ERC1: variants seen among roughly 807,000 people sequenced by gnomAD.
ERC1 encodes the protein RAB6 interacting protein 2.
ERC1 carries 56 observed loss-of-function variants against 132.0 expected under a neutral mutation model. That is an observed-to-expected ratio of 0.42 (90% confidence interval 0.34 to 0.53). ERC1 has a LOEUF of 0.53. ERC1 is among the 20% of genes least tolerant of loss of function. The probability of loss-of-function intolerance (pLI) is 0.03; values close to 1 mark genes in which losing one functional copy is unlikely to be tolerated. For synonymous variants in ERC1, 478 were observed against 476.1 expected, an observed-to-expected ratio of 1.00 and a Z score of -0.05; for missense variants, 1,202 against 1,349.9, an observed-to-expected ratio of 0.89 and a Z score of 1.72.
intron 12 of ERC1, among the ~76,000 whole-genome samples, chr12:1,206,812 T>C (rs1397132898): frequency 6.6e-6 from 1 of 152,090 alleles, no homozygotes; most frequent in Non-Finnish European, 1.5e-5. Flanking sequence ...AATTATCAGT[T>C]ACCACTGTAG....
intron 16 of ERC1, among the ~76,000 whole-genome samples, chr12:1,398,125 G>A (rs567199229): frequency 9.9e-4 from 151 of 151,768 alleles, no homozygotes; most frequent in African/African-American, 3.6e-3. Flanking sequence ...CTGGGACTGC[G>A]GGCACATGCC....
rs957525898 is a variant in ERC1 at position 1,202,662 on chromosome 12, G to GA, written c.2351+12619dup. ...ACAGGTGAAACCCTGTCTCAAAAAG[G>GA]AAAAAAAAAGAGTTGTAATTTGATG... On this transcript the variant is annotated intron_variant, in intron 12 of 18. Transcript: ENST00000360905. Among the ~76,000 whole-genome samples the GA allele has an allele frequency of 2.2e-4, 33 of 148,264 alleles. No individual in the cohort carries two copies. The East Asian group carries it at 2.9e-3, about 13-fold the overall frequency.
intron 18 of ERC1, among the ~76,000 whole-genome samples, chr12:1,464,129 A>G (rs1039487840): frequency 6.6e-6 from 1 of 152,186 alleles, no homozygotes; most frequent in Non-Finnish European, 1.5e-5. Context: ...TATTATTTGC[A>G]ATTCACTCCC....
chr12:1,426,111 T>C (rs1025934202), intron 17 of ERC1, among the ~76,000 whole-genome samples: 4 of 151,860 alleles, frequency 2.6e-5, no homozygotes, highest in Non-Finnish European at 1.5e-5. Context: ...GATTTTTTTT[T>C]TTTTTTTTTG....
rs796194054 is a variant in ERC1, at chr12:1,042,344, TTTTTTTTTTTTTC to T, written c.669+13780_669+13792del. On this transcript the variant is annotated intron_variant, in intron 2 of 18. Transcript: ENST00000360905. ...GAGCCATTGCGCCCGGCCTGTTTTT[TTTTTTTTTTTTTC>T]TTTTTTTGAAATGGAGTTTAGCTCT... Among the ~76,000 whole-genome samples, 1,024 of 144,724 alleles carry T rather than the reference TTTTTTTTTTTTTC, an allele frequency of 7.1e-3. 10 individuals are homozygous for T. The highest frequency in any genetic ancestry group is 0.024 in the African/African-American group (974 of 40,046). 94.9% of individuals were successfully genotyped at this position (144,724 alleles called of 152,430 possible). A position where few individuals can be genotyped will look rare whatever the true frequency, so the allele number is the denominator to read the frequency against.
At chr12:1,262,339 T>A (rs1395448738) in intron 13 of ERC1, among the ~76,000 whole-genome samples, 1 of 152,220 alleles carries the variant, frequency 6.6e-6, no homozygotes. Context: ...TTCTGATAGA[T>A]CAACATTCAC....
At position 1,493,554 on chromosome 12, in the gene ERC1, T is replaced by TATATATATATATAC. The variant is rs1565554223; in HGVS notation, c.*3337_*3338insCATATATATATATA. The TATATATATATATAC allele has an allele frequency of 3.1e-5, 3 of 95,306 alleles. No homozygotes were observed. Among genetic ancestry groups the TATATATATATATAC allele is most frequent in the Non-Finnish European group, 6.7e-5 (3 of 45,044 alleles). The allele number at this position is 95,306 out of a possible 1,614,324, so 5.9% of individuals were successfully genotyped here. On this transcript the variant is annotated 3_prime_UTR_variant, in exon 19 of 19. Transcript: ENST00000360905. ...TTTAAAAAAAAAAAAAAAAAATATATATATATATATATATATATATATATG... is the reference window on the plus strand; with the variant it reads ...TTTAAAAAAAAAAAAAAAAAATATATATATATATATATACATATATATATATATATATATATATG...
intron 7 of ERC1, among the ~76,000 whole-genome samples, chr12:1,125,525 C>T (rs528885358): frequency 1.3e-4 from 19 of 151,958 alleles, no homozygotes; most frequent in Admixed American, 1.0e-3. Context: ...ATTAAAACAC[C>T]AAGCAGTCGG....
At chr12:1,114,115 C>T (rs1946185807) in intron 6 of ERC1, among the ~76,000 whole-genome samples, 1 of 152,064 alleles carries the variant, frequency 6.6e-6, no homozygotes, top group Admixed American at 6.5e-5. Context: ...CCTCTGACTC[C>T]CTGGTTCAAG....
chr12:1,180,298 C>T (rs569401196), intron 8 of ERC1, among the ~76,000 whole-genome samples: 2,206 of 130,070 alleles, frequency 0.017, 28 homozygotes, highest in South Asian at 0.072. Context: ...CACGCGTGTG[C>T]GCGCGCGCAT....
intron 1 of ERC1, among the ~76,000 whole-genome samples, chr12:1,013,359 C>G (rs954979022): frequency 9.2e-5 from 14 of 152,012 alleles, no homozygotes; most frequent in African/African-American, 2.7e-4. Flanking sequence ...TTTGAGAGAA[C>G]TTATAATTAA....
At chr12:1,098,197 G>T (rs1944278842) in intron 3 of ERC1, among the ~76,000 whole-genome samples, 1 of 152,140 alleles carries the variant, frequency 6.6e-6, no homozygotes, top group Non-Finnish European at 1.5e-5. Flanking sequence ...TGTATTGCTT[G>T]TTATCCAGGG....
chr12:1,251,611 G>A (rs1239307064), intron 13 of ERC1, among the ~76,000 whole-genome samples: 1 of 152,114 alleles, frequency 6.6e-6, no homozygotes, highest in African/African-American at 2.4e-5. Flanking sequence ...TTGGTTATGT[G>A]TGCAGCTTTT....
At chr12:1,444,343 C>G in intron 17 of ERC1, 1 of 423,262 alleles carries the variant, frequency 2.4e-6, no homozygotes, top group Non-Finnish European at 4.2e-6. Flanking sequence ...CGTTCTCTTC[C>G]TGTCTCCCAG....
At chr12:1,009,388 A>G (rs930617539) in intron 1 of ERC1, among the ~76,000 whole-genome samples, 15 of 151,956 alleles carry the variant, frequency 9.9e-5, no homozygotes, top group African/African-American at 3.4e-4. Flanking sequence ...GTTAGCCAGG[A>G]TGGTCTTGAT....
chr12:1,405,182 T>A lies in ERC1; in HGVS notation c.2926-2967T>A, dbSNP rs867036778. Among the ~76,000 whole-genome samples, 25 of 123,130 alleles carry A rather than the reference T, an allele frequency of 2.0e-4. 1 individual carries two copies. The South Asian group carries it at 5.1e-3, about 25-fold the overall frequency. 80.8% of individuals were successfully genotyped at this position (123,130 alleles called of 152,430 possible). A position where few individuals can be genotyped will look rare whatever the true frequency, so the allele number is the denominator to read the frequency against. ...AAATAAATAAATAAATAAATAAATA[T>A]AAATAAAATAATATAAAATTGGGGG... On this transcript the variant is annotated intron_variant, in intron 16 of 18. Coordinates refer to ENST00000360905, the MANE Select transcript of ERC1 (RefSeq NM_178040.4).
rs973049638 is a variant in ERC1, at chr12:1,424,411, A to G, written c.3024+16164A>G. 2.8e-4 allele frequency among the ~76,000 whole-genome samples: 43 copies of G among 152,224 alleles called. 1 individual carries two copies. Among genetic ancestry groups the G allele is most frequent in the African/African-American group, 9.6e-4 (40 of 41,456 alleles). ...CTGATATTTGCTTGAACCAAAGCTC[A>G]TTCTCTGTATACCAACACAAGTACA... On this transcript the variant is annotated intron_variant, in intron 17 of 18. Transcript: ENST00000360905.
intron 8 of ERC1, among the ~76,000 whole-genome samples, chr12:1,164,467 C>G (rs1952197361): frequency 6.6e-6 from 1 of 152,072 alleles, no homozygotes; most frequent in Admixed American, 6.5e-5. Context: ...CTCAGCCTCC[C>G]AAGTAGCTTG....
At chr12:1,320,807 T>C (rs1398902777) in intron 15 of ERC1, among the ~76,000 whole-genome samples, 1 of 152,186 alleles carries the variant, frequency 6.6e-6, no homozygotes. Flanking sequence ...GTTCACGTCA[T>C]TCTCCTGCCT....
Sources: allele counts gnomAD v4.1 joint callset (sites outside exome capture counted in the v4.1 genomes callset), GRCh38; gene constraint gnomAD v4.1.1; transcripts MANE v1.5; gene names NCBI Gene and HGNC (gene_info 2026-07-23, HGNC 2026-07-21).